The following DRC1 variants were observed in gnomAD, a reference collection of about 807,000 sequenced individuals.
DRC1 encodes dynein regulatory complex subunit 1, also known as dynein regulatory complex protein 1.
DRC1 carries 74 observed loss-of-function variants against 98.7 expected under a neutral mutation model. The ratio of observed to expected loss-of-function variants is 0.75; its 90% CI spans 0.62 to 0.91. The LOEUF is 0.91. Among genes scored for constraint, DRC1 ranks in the 40% least tolerant of loss-of-function variants. The probability of loss-of-function intolerance (pLI) is 0.00; values close to 1 mark genes in which losing one functional copy is unlikely to be tolerated. For synonymous variants in DRC1, 336 were observed against 334.1 expected (o/e 1.01, Z -0.06); for missense variants, 875 against 886.0 (o/e 0.99, Z 0.16).
At chr2:26,436,017 C>G (rs1303344776) in intron 7 of DRC1, among the ~76,000 whole-genome samples, 3 of 152,054 alleles carry the variant, frequency 2.0e-5, no homozygotes, top group Admixed American at 6.6e-5. Flanking sequence ...GTTTTACGTT[C>G]TTTGAGGAAT....
chr2:26,441,131 C>T (rs1025057168), intron 8 of DRC1, among the ~76,000 whole-genome samples: 18 of 152,228 alleles, frequency 1.2e-4, no homozygotes, highest in Non-Finnish European at 7.3e-5. Flanking sequence ...CATCTCCTTA[C>T]TCCTATCCTT....
chr2:26,419,615 A>G (rs1257839887), intron 2 of DRC1, among the ~76,000 whole-genome samples: 2 of 152,194 alleles, frequency 1.3e-5, no homozygotes, highest in Non-Finnish European at 1.5e-5. Context: ...TTTTTCATAT[A>G]ATAGTGAGAT....
At chr2:26,447,708 A>G (rs1386029906) in intron 10 of DRC1, among the ~76,000 whole-genome samples, 1 of 151,206 alleles carries the variant, frequency 6.6e-6, no homozygotes, top group Non-Finnish European at 1.5e-5. Context: ...CTGGGATTAC[A>G]GGTGCGTGCC....
intron 4 of DRC1, among the ~76,000 whole-genome samples, chr2:26,428,417 G>T (rs1663339749): frequency 6.6e-6 from 1 of 152,216 alleles, no homozygotes; most frequent in South Asian, 2.1e-4. Context: ...CTACAAACCT[G>T]TCCGGAATGC....
chr2:26,402,038 C>A lies in DRC1; in HGVS notation c.49C>A (p.His17Asn). 6.2e-7 allele frequency: 1 copy of A among 1,613,146 alleles called. No individual in the cohort carries two copies. The highest frequency in any genetic ancestry group is 8.5e-7 in the Non-Finnish European group (1 of 1,179,704). Residue 17 changes from histidine to asparagine, a missense_variant, in exon 1 of 17, where the codon CAC (histidine) becomes AAC (asparagine). His to Asn is a moderately conservative substitution (Grantham distance 68). Transcript: ENST00000288710. ...LEALDPNVDE[H>N]LSTQILAPSV... ...GGCCCTGGACCCGAACGTGGACGAG[C>A]ACTTGTCCACCCAGATTCTCGCGCC...
intron 1 of DRC1, among the ~76,000 whole-genome samples, chr2:26,409,909 G>A (rs1419931333): frequency 6.6e-6 from 1 of 151,464 alleles, no homozygotes; most frequent in East Asian, 1.9e-4. Flanking sequence ...AATTAACAAA[G>A]AGAAAAAAGC....
intron 10 of DRC1, among the ~76,000 whole-genome samples, chr2:26,448,025 G>A (rs1663903301): frequency 6.7e-6 from 1 of 150,374 alleles, no homozygotes; most frequent in East Asian, 2.0e-4. Context: ...AGGAGTTCGA[G>A]ACCAGCCTGG....
chr2:26,409,952 GA>G, intron 1 of DRC1, among the ~76,000 whole-genome samples: 1 of 150,880 alleles, frequency 6.6e-6, no homozygotes, highest in South Asian at 2.1e-4. Context: ...TATGTGGGGA[GA>G]AAAAAACAAG....
intron 10 of DRC1, 52 bp downstream of exon 10, chr2:26,445,000 C>T (rs2148001142): frequency 6.3e-7 from 1 of 1,576,776 alleles, no homozygotes; most frequent in Non-Finnish European, 8.6e-7. Context: ...CCCCTGAGAA[C>T]ATCGGGTCAA....
At chr2:26,411,388 T>C in intron 1 of DRC1, among the ~76,000 whole-genome samples, 1 of 152,242 alleles carries the variant, frequency 6.6e-6, no homozygotes, top group Non-Finnish European at 1.5e-5. Flanking sequence ...GCAAATATTT[T>C]TTGTTCAAAG....
chr2:26,410,104 A>T (rs187945834), intron 1 of DRC1, among the ~76,000 whole-genome samples: 1 of 151,898 alleles, frequency 6.6e-6, no homozygotes, highest in East Asian at 1.9e-4. Flanking sequence ...TACTAAAAGG[A>T]GTGTTCAGAG....
At position 26,402,099 on chromosome 2, in the gene DRC1, A is replaced by G; in HGVS notation, c.110A>G (p.Gln37Arg). 6.2e-7 allele frequency: 1 copy of G among 1,612,394 alleles called. No individual in the cohort carries two copies. The highest frequency in any genetic ancestry group is 1.1e-5 in the South Asian group (1 of 91,010). ...VHSDNSQERIQARRLRIAARL... is the reference protein window; with the variant it reads ...VHSDNSQERIRARRLRIAARL... Reference sequence around the variant, plus strand: ...TCCGACAACTCTCAGGAGCGCATCCAGGCCCGGCGCCTCCGCATCGCTGCG... The same window carrying G: ...TCCGACAACTCTCAGGAGCGCATCCGGGCCCGGCGCCTCCGCATCGCTGCG... Residue 37 changes from glutamine to arginine, a missense_variant, in exon 1 of 17, where the codon CAG (glutamine) becomes CGG (arginine). Coordinates refer to ENST00000288710, the MANE Select transcript of DRC1 (RefSeq NM_145038.5).
chr2:26,423,127 A>G (rs1348507848), intron 3 of DRC1, among the ~76,000 whole-genome samples: 1 of 152,014 alleles, frequency 6.6e-6, no homozygotes, highest in African/African-American at 2.4e-5. Context: ...GAGTCGGCAG[A>G]TTCCCAGCAG....
chr2:26,451,609 AG>A (rs1185477519), intron 13 of DRC1, among the ~76,000 whole-genome samples: 1 of 146,440 alleles, frequency 6.8e-6, no homozygotes, highest in Non-Finnish European at 1.5e-5. Context: ...GGCTGCAGTG[AG>A]CCATGATGAG....
chr2:26,454,747 C>T lies in DRC1; in HGVS notation c.2020C>T (p.Gln674Ter), dbSNP rs1327432471. The change falls in exon 15 of 17, where the codon CAG becomes TAG. Residue 674 changes from glutamine (Q) to a stop codon, truncating the protein, a stop_gained. Coordinates refer to ENST00000288710, the MANE Select transcript of DRC1 (RefSeq NM_145038.5). LOFTEE classifies it high-confidence loss of function. This position sits in a 1 kb window ranked among gnomAD's most constrained non-coding sequence, Gnocchi z 5.2. ...ALTTVIPSSK[Q>*]NLWDALYTAL... is the part of the protein sequence containing the mutation. ...GACCACAGTGATCCCTTCCTCCAAGCAGAACCTCTGGGATGCCCTCTACAC... is the reference window on the plus strand; with the variant it reads ...GACCACAGTGATCCCTTCCTCCAAGTAGAACCTCTGGGATGCCCTCTACAC... The T allele has an allele frequency of 1.9e-6, 3 of 1,614,036 alleles. No individual in the cohort carries two copies. The highest frequency in any genetic ancestry group is 2.5e-6 in the Non-Finnish European group (3 of 1,180,022).
In DRC1 at chr2:26,450,112, C is replaced by T. The variant is rs374748714; in HGVS notation, c.1599+27C>T. ...TGAGTCCAACGGGGCTGGGAGGACACGGGTGGGGCTGCAGCCGGCCGTGTT... is the reference window on the plus strand; with the variant it reads ...TGAGTCCAACGGGGCTGGGAGGACATGGGTGGGGCTGCAGCCGGCCGTGTT... On this transcript the variant is annotated intron_variant, in intron 12 of 16. Transcript: ENST00000288710. The T allele has an allele frequency of 5.4e-5, 86 of 1,599,864 alleles. No individual in the cohort carries two copies. In the African/African-American group the frequency reaches 9.8e-4, roughly 18 times the overall value.
At chr2:26,409,421 C>T (rs1040794040) in intron 1 of DRC1, among the ~76,000 whole-genome samples, 22 of 152,104 alleles carry the variant, frequency 1.4e-4, no homozygotes, top group Admixed American at 6.6e-4. Context: ...GTACACATAA[C>T]CAAAACAAAC....
chr2:26,410,941 G>A (rs1014635105), intron 1 of DRC1, among the ~76,000 whole-genome samples: 1 of 152,246 alleles, frequency 6.6e-6, no homozygotes, highest in African/African-American at 2.4e-5. Flanking sequence ...AGCAACACTG[G>A]AAGGAAGCAG....
At chr2:26,449,723 G>C (rs1333809766) in intron 11 of DRC1, among the ~76,000 whole-genome samples, 1 of 152,240 alleles carries the variant, frequency 6.6e-6, no homozygotes, top group African/African-American at 2.4e-5. Flanking sequence ...TGTGGGTGAG[G>C]TGGGTTGGTG....
Sources: gnomAD v4.1 joint callset for allele counts (sites outside exome capture counted in the v4.1 genomes callset) on GRCh38, gnomAD v4.1.1 for gene constraint, Gnocchi (gnomAD v3.1) non-coding constraint, MANE v1.5 for transcripts, NCBI Gene and HGNC (gene_info 2026-07-23, HGNC 2026-07-21) for gene names.